CRMP1: variants seen among roughly 807,000 people sequenced by gnomAD.
CRMP1 encodes dihydropyrimidinase-related protein 1.
In CRMP1, 19 loss-of-function variants were observed where a neutral mutation model predicts 68.3. The observed-to-expected ratio is 0.28, with a 90% CI of 0.19 to 0.41. The LOEUF is 0.41. Among genes scored for constraint, CRMP1 ranks in the 10% least tolerant of loss-of-function variants. CRMP1 has a pLI of 1.00. For synonymous variants in CRMP1, 439 were observed against 399.6 expected (o/e 1.10, Z -1.18); for missense variants, 791 against 967.4 (o/e 0.82, Z 2.42).
intron 10 of CRMP1, 81 bp from the exon 11 acceptor site, chr4:5,836,166 G>A (rs992712334): frequency 4.1e-6 from 5 of 1,230,380 alleles, no homozygotes; most frequent in Non-Finnish European, 5.3e-6. Flanking sequence ...ATGGAAGACT[G>A]CCAGCTGAGG....
At chr4:5,887,744 G>C in intron 1 of CRMP1, 1 of 985,880 alleles carries the variant, frequency 1.0e-6, no homozygotes, top group Non-Finnish European at 1.2e-6. Flanking sequence ...CAGTAAAGGC[G>C]GGGAGTGGGG....
rs773314193 is a variant in CRMP1, at chr4:5,838,769, C to T, written c.1310+753G>A. On this transcript the variant is annotated intron_variant, in intron 9 of 13. Transcript: ENST00000324989. This position sits in a 1 kb window ranked among gnomAD's most constrained non-coding sequence, Gnocchi z 4.9. ...CGTGGGCGCACACCACTGCCCCCTC[C>T]TCCAAGGTTCCTTCTGCCAAGAAGC... is the stretch of plus-strand genomic sequence containing the variant. Among the ~76,000 whole-genome samples the T allele has an allele frequency of 6.6e-6, 1 of 152,174 alleles. No homozygotes were observed. The highest frequency in any genetic ancestry group is 1.5e-5 in the Non-Finnish European group (1 of 68,020).
Position 5,841,268 on chromosome 4 carries a change from G to T in CRMP1, c.1153+40C>A, listed in dbSNP as rs2152459875. The T allele has an allele frequency of 6.2e-7, 1 of 1,613,464 alleles. No individual in the cohort carries two copies. The highest frequency in any genetic ancestry group is 1.1e-5 in the South Asian group (1 of 91,064). On this transcript the variant is annotated intron_variant, in intron 8 of 13. Transcript: ENST00000324989. The surrounding 1 kb of genome is among the most constrained non-coding windows in gnomAD (Gnocchi z 6.9). Reference sequence around the variant, plus strand: ...GAACCTGCAGGACACCCCCTTCCAGGCCCCAGCTGCCCCCAGAAGGCCCAG... The same window carrying T: ...GAACCTGCAGGACACCCCCTTCCAGTCCCCAGCTGCCCCCAGAAGGCCCAG...
In CRMP1 at chr4:5,821,864, G is replaced by A. The variant is rs572015900; in HGVS notation, c.1970-13C>T. 281 of 1,544,890 alleles carry A rather than the reference G, an allele frequency of 1.8e-4. 3 individuals carry two copies. In the South Asian group the frequency reaches 2.8e-3, roughly 16 times the overall value. ...TCTATCTGGGCACCTGAAAGAGAGC[G>A]CCAATCGCTGCTGGATGGGATCTGT... On this transcript the variant is annotated splice_polypyrimidine_tract_variant and intron_variant, in intron 13 of 13. Coordinates refer to ENST00000324989, the MANE Select transcript of CRMP1 (RefSeq NM_001014809.3). This position sits in a 1 kb window ranked among gnomAD's most constrained non-coding sequence, Gnocchi z 4.4.
At chr4:5,873,942 C>T (rs780828454) in intron 1 of CRMP1, among the ~76,000 whole-genome samples, 7 of 152,080 alleles carry the variant, frequency 4.6e-5, no homozygotes, top group South Asian at 2.1e-4. Context: ...AGGGAGGAAC[C>T]GGAAGATAGA....
chr4:5,881,062 G>C lies in CRMP1; in HGVS notation c.381+11527C>G, dbSNP rs755228811. ...AGCCCAGGAGGAGGAATCCTTTATA[G>C]AGAATGGACACAGCTGATACAAAGG... On this transcript the variant is annotated intron_variant, in intron 1 of 13. Coordinates refer to ENST00000324989, the MANE Select transcript of CRMP1 (RefSeq NM_001014809.3). The surrounding 1 kb of genome is among the most constrained non-coding windows in gnomAD (Gnocchi z 4.6). Among the ~76,000 whole-genome samples the C allele has an allele frequency of 6.6e-6, 1 of 152,228 alleles. No homozygotes were observed. Among genetic ancestry groups the C allele is most frequent in the Non-Finnish European group, 1.5e-5 (1 of 68,040 alleles).
At position 5,888,612 on chromosome 4, in the gene CRMP1, G is replaced by T. The variant is rs1715778779; in HGVS notation, c.381+3977C>A. 3.9e-6 allele frequency: 4 copies of T among 1,022,856 alleles called. No individual in the cohort carries two copies. Among genetic ancestry groups the T allele is most frequent in the Admixed American group, 5.8e-5 (1 of 17,202 alleles). The allele number at this position is 1,022,856 out of a possible 1,614,324, so 63.4% of individuals were successfully genotyped here. On this transcript the variant is annotated intron_variant, in intron 1 of 13. Coordinates refer to ENST00000324989, the MANE Select transcript of CRMP1 (RefSeq NM_001014809.3). This position sits in a 1 kb window ranked among gnomAD's most constrained non-coding sequence, Gnocchi z 6.4. ...TCGAACCAGGAAGCGCTTCCCTTCCGATCTCCCACCCCGCCCCCCGCCCCC... is the reference window on the plus strand; with the variant it reads ...TCGAACCAGGAAGCGCTTCCCTTCCTATCTCCCACCCCGCCCCCCGCCCCC...
At chr4:5,851,970 AAGAGGAGGAGGAAGAGG>A (rs1712688301) in intron 4 of CRMP1, among the ~76,000 whole-genome samples, 1 of 16,608 alleles carries the variant, frequency 6.0e-5, no homozygotes, top group Non-Finnish European at 2.4e-4. Flanking sequence ...GAGGAAGAGG[AAGAGGAGGAGGAAGAGG>A]AAGAGGAGGA....
rs115042365 is a variant in CRMP1 at position 5,843,772 on chromosome 4, C to A, written c.964-611G>T. On this transcript the variant is annotated intron_variant, in intron 6 of 13. Coordinates refer to ENST00000324989, the MANE Select transcript of CRMP1 (RefSeq NM_001014809.3). This position sits in a 1 kb window ranked among gnomAD's most constrained non-coding sequence, Gnocchi z 4.1. The stretch of plus-strand genomic sequence containing the variant: ...CACAAAACCTGGAGCTGAGCGAGCA[C>A]ACGCTCATTAATTGGCAGCCGGCTC... Among the ~76,000 whole-genome samples the A allele has an allele frequency of 4.7e-3, 720 of 152,262 alleles. 6 individuals are homozygous for A. The highest frequency in any genetic ancestry group is 0.017 in the African/African-American group (688 of 41,548).
chr4:5,863,115 C>CTTTTTT (rs35515710), intron 2 of CRMP1, among the ~76,000 whole-genome samples: 2 of 140,132 alleles, frequency 1.4e-5, no homozygotes, highest in South Asian at 2.3e-4. Flanking sequence ...TCTTTTTTTC[C>CTTTTTT]TTTTTTTTTT....
In CRMP1 at chr4:5,870,980, G is replaced by A. The variant is rs1323094674; in HGVS notation, c.382-4224C>T. ...CCCGTCTGTCTTGTCACTATTAATAGGGGGCTTTTCGGGCTCAGCCCGAAA... is the reference window on the plus strand; with the variant it reads ...CCCGTCTGTCTTGTCACTATTAATAAGGGGCTTTTCGGGCTCAGCCCGAAA... On this transcript the variant is annotated intron_variant, in intron 1 of 13. Coordinates refer to ENST00000324989, the MANE Select transcript of CRMP1 (RefSeq NM_001014809.3). The surrounding 1 kb of genome is among the most constrained non-coding windows in gnomAD (Gnocchi z 6.0). Among the ~76,000 whole-genome samples the A allele has an allele frequency of 6.6e-6, 1 of 152,182 alleles. No homozygotes were observed. Among genetic ancestry groups the A allele is most frequent in the East Asian group, 1.9e-4 (1 of 5,158 alleles).
rs529018785 is a variant in CRMP1, at chr4:5,856,594, C to G, written c.656-287G>C. On this transcript the variant is annotated intron_variant, in intron 3 of 13. Transcript: ENST00000324989. The stretch of plus-strand genomic sequence containing the variant: ...ACCACCATCATCACCATCATTATCA[C>G]CCCATCACCATCATCACCATGACCG... 1.6e-3 allele frequency among the ~76,000 whole-genome samples: 241 copies of G among 150,656 alleles called. 2 individuals are homozygous for G. Among genetic ancestry groups the G allele is most frequent in the Non-Finnish European group, 4.6e-4 (31 of 67,594 alleles).
Position 5,879,350 on chromosome 4 carries a change from A to G in CRMP1, c.382-12594T>C, listed in dbSNP as rs942870851. Among the ~76,000 whole-genome samples, 2 of 151,812 alleles carry G rather than the reference A, an allele frequency of 1.3e-5. No individual in the cohort carries two copies. The highest frequency in any genetic ancestry group is 2.9e-5 in the Non-Finnish European group (2 of 67,962). On this transcript the variant is annotated intron_variant, in intron 1 of 13. Coordinates refer to ENST00000324989, the MANE Select transcript of CRMP1 (RefSeq NM_001014809.3). This position sits in a 1 kb window ranked among gnomAD's most constrained non-coding sequence, Gnocchi z 4.2. ...GTCTTGAGTCCAGGATCACAAGGTC[A>G]CTCCTTGGAGTTCCCACAACATGAG... is the stretch of plus-strand genomic sequence containing the variant.
intron 1 of CRMP1, among the ~76,000 whole-genome samples, chr4:5,878,590 A>G (rs929970032): frequency 2.6e-5 from 4 of 152,164 alleles, no homozygotes; most frequent in African/African-American, 9.7e-5. Flanking sequence ...TTTAACAAAG[A>G]GGCGATGTTT....
At position 5,864,189 on chromosome 4, in the gene CRMP1, A is replaced by G. The variant is rs148202926; in HGVS notation, c.470+2479T>C. On this transcript the variant is annotated intron_variant, in intron 2 of 13. Coordinates refer to ENST00000324989, the MANE Select transcript of CRMP1 (RefSeq NM_001014809.3). Reference sequence around the variant, plus strand: ...GTATACTCCGGGATTGCGGAGCTCTATAAGGGGGCCTGGCCCAGGAAGGAC... The same window carrying G: ...GTATACTCCGGGATTGCGGAGCTCTGTAAGGGGGCCTGGCCCAGGAAGGAC... 1.7e-4 allele frequency among the ~76,000 whole-genome samples: 26 copies of G among 152,212 alleles called. No individual in the cohort carries two copies. The East Asian group carries it at 4.8e-3, about 28-fold the overall frequency.
chr4:5,822,897 C>T (rs1374501168), intron 13 of CRMP1, among the ~76,000 whole-genome samples: 1 of 152,250 alleles, frequency 6.6e-6, no homozygotes, highest in Non-Finnish European at 1.5e-5. Flanking sequence ...CTCTTCGGCA[C>T]ACAGCACAAG....
rs34073650 is a variant in CRMP1 at position 5,860,629 on chromosome 4, ATT to A, written c.655+395_655+396del. ...AGCCATCTTCACATCATGTTGAAGG[ATT>A]TTTTTTTTTTTTGCTTTATCTCCCT... On this transcript the variant is annotated intron_variant, in intron 3 of 13. Transcript: ENST00000324989. This position sits in a 1 kb window ranked among gnomAD's most constrained non-coding sequence, Gnocchi z 4.2. Among the ~76,000 whole-genome samples the A allele has an allele frequency of 0.037, 5,363 of 145,704 alleles. 179 individuals carry two copies. Among genetic ancestry groups the A allele is most frequent in the African/African-American group, 0.091 (3,602 of 39,754 alleles).
chr4:5,857,980 C>T (rs905730404), intron 3 of CRMP1, among the ~76,000 whole-genome samples: 4 of 152,178 alleles, frequency 2.6e-5, no homozygotes, highest in South Asian at 2.1e-4. Flanking sequence ...GAAGTCTCAC[C>T]TCTCCTCCTC....
At chr4:5,840,939 C>A (rs562982228) in intron 8 of CRMP1, among the ~76,000 whole-genome samples, 60 of 151,608 alleles carry the variant, frequency 4.0e-4, no homozygotes, top group African/African-American at 1.4e-3. Context: ...TAACCTGAGG[C>A]TGTGGTTAGT....
Sources: allele counts gnomAD v4.1 joint callset (sites outside exome capture counted in the v4.1 genomes callset), GRCh38; gene constraint gnomAD v4.1.1; non-coding constraint Gnocchi (gnomAD v3.1); transcripts MANE v1.5; gene names NCBI Gene and HGNC (gene_info 2026-07-23, HGNC 2026-07-21).